The following TKTL1 variants were observed in gnomAD, a reference collection of about 807,000 sequenced individuals.
TKTL1 encodes transketolase-like protein 1.
Under a neutral mutation model 39.3 loss-of-function variants are expected in TKTL1, and 1 was observed. That is an observed-to-expected ratio of 0.03 (90% CI 0.01 to 0.12). The LOEUF is 0.12. Among genes scored for constraint, TKTL1 ranks in the 10% least tolerant of loss-of-function variants. The pLI is 1.00. For missense variants in TKTL1, 575 were observed against 509.6 expected (o/e 1.13, Z -1.24); for synonymous variants, 262 against 193.8 (o/e 1.35, Z -2.92).
rs781994708 is a variant in TKTL1 at position 154,305,289 on chromosome X, ATGTC to A, written c.135-9_135-6del. 6 of 1,201,453 alleles carry A rather than the reference ATGTC, an allele frequency of 5.0e-6. No individual in the cohort carries two copies. The South Asian group carries it at 8.8e-5, about 18-fold the overall frequency. On this transcript the variant is annotated splice_polypyrimidine_tract_variant and intron_variant, in intron 1 of 12. Transcript: ENST00000369915. ...GTTGCTGTGAGAAATGACCAGTGTC[ATGTC>A]TGTCTTTCAGCCACCCTACATCATG...
intron 1 of TKTL1, among the ~76,000 whole-genome samples, chrX:154,304,427 C>T (rs1368284488): frequency 9.1e-6 from 1 of 110,126 alleles, no homozygotes. Context: ...CTTTTTGTGT[C>T]CTTTGAAGCT....
At chrX:154,299,141 TTTTC>T (rs1370264715) in intron 1 of TKTL1, among the ~76,000 whole-genome samples, 153 of 101,153 alleles carry the variant, frequency 1.5e-3, no homozygotes, top group Non-Finnish European at 2.6e-3. Flanking sequence ...TTCATTTTCT[TTTTC>T]TTTCTTTTTT....
At chrX:154,318,527 T>G (rs1487784043) in intron 7 of TKTL1, among the ~76,000 whole-genome samples, 7 of 104,427 alleles carry the variant, frequency 6.7e-5, no homozygotes, top group African/African-American at 1.8e-4. Context: ...GTGAAACCCC[T>G]TCTCTACTAA....
chrX:154,329,474 G>T, intron 12 of TKTL1, 42 bp from the exon 13 acceptor site: 1 of 1,190,671 alleles, frequency 8.4e-7, no homozygotes, highest in Non-Finnish European at 1.1e-6. Flanking sequence ...TAAGGCTGAC[G>T]AGCTGCTTTC....
intron 10 of TKTL1, among the ~76,000 whole-genome samples, chrX:154,327,017 A>G (rs1557172097): frequency 8.9e-6 from 1 of 111,846 alleles, no homozygotes; most frequent in Non-Finnish European, 1.9e-5. Context: ...GATGCCTCCG[A>G]TGGGTAGCTT....
chrX:154,324,020 C>T (rs1480148470), intron 9 of TKTL1, among the ~76,000 whole-genome samples: 2 of 112,747 alleles, frequency 1.8e-5, no homozygotes, highest in East Asian at 2.8e-4. Flanking sequence ...CTGGCACAGT[C>T]GGGATGGGGA....
chrX:154,327,886 G>A lies in TKTL1; in HGVS notation c.1546G>A (p.Val516Ile), dbSNP rs782032377. 1.7e-6 allele frequency: 2 copies of A among 1,211,632 alleles called. No homozygotes were observed. Among genetic ancestry groups the A allele is most frequent in the Admixed American group, 4.3e-5 (2 of 46,044 alleles). ...IDLFTIKPLD[V>I]ATIVSSAKAT... ...CCTGTTTACCATTAAACCTCTGGAT[G>A]TCGCCACCATCGTCTCCAGTGCAAA... The change falls in exon 12 of 13, where the codon GTC becomes ATC. Residue 516 changes from valine to isoleucine, a missense_variant. Coordinates refer to ENST00000369915, the MANE Select transcript of TKTL1 (RefSeq NM_012253.4).
chrX:154,328,588 A>G (rs2067512307), intron 12 of TKTL1, among the ~76,000 whole-genome samples: 1 of 85,975 alleles, frequency 1.2e-5, no homozygotes, highest in Admixed American at 1.5e-4. Context: ...AAAAAAAAAA[A>G]AAAAGTGTGC....
chrX:154,325,485 T>C, intron 10 of TKTL1, 63 bp downstream of exon 10: 1 of 975,377 alleles, frequency 1.0e-6, no homozygotes, highest in Middle Eastern at 2.6e-4. Context: ...CACTTCTGAA[T>C]CTATCACCAG....
intron 1 of TKTL1, among the ~76,000 whole-genome samples, chrX:154,303,317 A>T (rs1291025524): frequency 1.3e-5 from 1 of 75,384 alleles, no homozygotes; most frequent in Non-Finnish European, 2.5e-5. Context: ...GGCTTAAGCA[A>T]CCCTCCCACC....
At chrX:154,318,811 T>A (rs997938358) in intron 7 of TKTL1, among the ~76,000 whole-genome samples, 5 of 110,912 alleles carry the variant, frequency 4.5e-5, no homozygotes, top group African/African-American at 1.6e-4. Context: ...CTTTTCTTTG[T>A]CAGAAATTAA....
At position 154,313,631 on chromosome X, in the gene TKTL1, A is replaced by G. The variant is rs782716726; in HGVS notation, c.864+858A>G. Among the ~76,000 whole-genome samples the G allele has an allele frequency of 3.6e-5, 4 of 111,782 alleles. No individual in the cohort carries two copies. In the East Asian group the frequency reaches 8.4e-4, roughly 23 times the overall value. ...CAAAAGACAAAAACCAGAAGAAAGG[A>G]GACGGTATATCAACAAAGGGTGGGC... On this transcript the variant is annotated intron_variant, in intron 6 of 12. Coordinates refer to ENST00000369915, the MANE Select transcript of TKTL1 (RefSeq NM_012253.4).
At chrX:154,326,698 A>G (rs1238836433) in intron 10 of TKTL1, among the ~76,000 whole-genome samples, 2 of 112,781 alleles carry the variant, frequency 1.8e-5, no homozygotes, top group Non-Finnish European at 3.7e-5. Context: ...TGACATTCAC[A>G]TGGTTTGCAG....
chrX:154,330,147 G>C lies in TKTL1; in HGVS notation c.*459G>C, dbSNP rs2067526810. Reference sequence around the variant, plus strand: ...GCACGATAACACCATGACGCCTACTGCTGTTCCCACCTTGGGATTCTGTGT... The same window carrying C: ...GCACGATAACACCATGACGCCTACTCCTGTTCCCACCTTGGGATTCTGTGT... On this transcript the variant is annotated 3_prime_UTR_variant, in exon 13 of 13. Coordinates refer to ENST00000369915, the MANE Select transcript of TKTL1 (RefSeq NM_012253.4). 1 of 113,348 alleles carries C rather than the reference G, an allele frequency of 8.8e-6. No individual in the cohort carries two copies. The highest frequency in any genetic ancestry group is 3.6e-4 in the South Asian group (1 of 2,768). The allele number at this position is 113,348 out of a possible 1,213,427, so 9.3% of individuals were successfully genotyped here.
chrX:154,307,635 G>A (rs1265658521), intron 2 of TKTL1, among the ~76,000 whole-genome samples: 2 of 112,554 alleles, frequency 1.8e-5, no homozygotes, highest in Non-Finnish European at 3.8e-5. Context: ...GGGGGCTCTG[G>A]TCTCCATTGC....
At position 154,310,981 on chromosome X, in the gene TKTL1, G is replaced by A. The variant is rs184120989; in HGVS notation, c.496G>A (p.Ala166Thr). ...NRLGHSGALP[A>T]EHCINIYQRR... ...CCTGGGACACAGTGGTGCATTGCCC[G>A]CCGAGCACTGCATAAACATCTATCA... Residue 166 changes from alanine to threonine, a missense_variant, in exon 4 of 13, where the codon GCC (alanine) becomes ACC (threonine). Ala to Thr is a moderately conservative substitution (Grantham distance 58, BLOSUM62 0). Transcript: ENST00000369915. 18 of 1,210,517 alleles carry A rather than the reference G, an allele frequency of 1.5e-5. No homozygotes were observed. The highest frequency in any genetic ancestry group is 1.3e-4 in the Admixed American group (6 of 45,787).
Position 154,329,659 on chromosome X carries a change from G to A in TKTL1, c.1762G>A (p.Val588Met), listed in dbSNP as rs1557172807. Residue 588 changes from valine to methionine, a missense_variant, in exon 13 of 13, where the codon GTG becomes ATG. Coordinates refer to ENST00000369915, the MANE Select transcript of TKTL1 (RefSeq NM_012253.4). The stretch of plus-strand genomic sequence containing the variant: ...TGGAATTAGTGCCAGACATATCATA[G>A]TGGCCGTGAAATGCATGTTGCTGAA... ...MYGISARHIIVAVKCMLLN is the reference protein window; with the variant it reads ...MYGISARHIIMAVKCMLLN The A allele has an allele frequency of 2.5e-6, 3 of 1,211,456 alleles. No individual in the cohort carries two copies. Among genetic ancestry groups the A allele is most frequent in the Non-Finnish European group, 3.4e-6 (3 of 895,164 alleles).
At chrX:154,328,034 C>T (rs1727562166) in intron 12 of TKTL1, 76 bp downstream of exon 12, 2 of 1,128,111 alleles carry the variant, frequency 1.8e-6, no homozygotes, top group Admixed American at 4.4e-5. Context: ...GGCATGCTCT[C>T]AGGCATCACC....
chrX:154,328,544 T>TTAAA (rs2067511130), intron 12 of TKTL1, among the ~76,000 whole-genome samples: 1 of 17,527 alleles, frequency 5.7e-5, no homozygotes, highest in Non-Finnish European at 1.1e-4. Flanking sequence ...AGACTCTGCC[T>TTAAA]CAAAAAAAAA....
Sources: allele counts gnomAD v4.1 joint callset (sites outside exome capture counted in the v4.1 genomes callset), GRCh38; gene constraint gnomAD v4.1.1; transcripts MANE v1.5; gene names NCBI Gene and HGNC (gene_info 2026-07-23, HGNC 2026-07-21).